Variants in SHC4 observed in about 807,000 individuals in gnomAD.
SHC4 encodes SHC-transforming protein 4.
In SHC4, 41 loss-of-function variants were observed where a neutral mutation model predicts 69.4. The observed-to-expected ratio is 0.59, with a 90% CI of 0.46 to 0.77. The LOEUF is 0.77. SHC4 is among the 30% of genes least tolerant of loss of function. The probability of loss-of-function intolerance (pLI) is 0.00; values close to 1 mark genes in which losing one functional copy is unlikely to be tolerated. For synonymous variants in SHC4, 318 were observed against 299.3 expected, an observed-to-expected ratio of 1.06 and a Z score of -0.64; for missense variants, 777 against 783.8, an observed-to-expected ratio of 0.99 and a Z score of 0.10.
chr15:48,882,419 A>C (rs1303742481), intron 4 of SHC4, among the ~76,000 whole-genome samples: 1 of 152,216 alleles, frequency 6.6e-6, no homozygotes. Context: ...TTTCAAAGGC[A>C]CATCATATTA....
At chr15:48,920,450 G>GT (rs1900731067) in intron 2 of SHC4, among the ~76,000 whole-genome samples, 1 of 151,516 alleles carries the variant, frequency 6.6e-6, no homozygotes, top group Admixed American at 6.6e-5. Context: ...CTTAACATTA[G>GT]TAACTTCCTA....
chr15:48,925,382 T>C (rs1900833174), intron 1 of SHC4, among the ~76,000 whole-genome samples: 3 of 152,136 alleles, frequency 2.0e-5, no homozygotes, highest in Non-Finnish European at 4.4e-5. Context: ...TACATATAAA[T>C]AAAGCTTTTA....
intron 2 of SHC4, among the ~76,000 whole-genome samples, chr15:48,914,902 T>C (rs917987584): frequency 6.6e-6 from 1 of 152,224 alleles, no homozygotes; most frequent in East Asian, 1.9e-4. Flanking sequence ...CTATAAGCAT[T>C]AAACAGTAAC....
At chr15:48,931,747 C>T (rs1036242177) in intron 1 of SHC4, among the ~76,000 whole-genome samples, 3 of 152,084 alleles carry the variant, frequency 2.0e-5, no homozygotes, top group Non-Finnish European at 2.9e-5. Flanking sequence ...GAGAGATTAG[C>T]CCCTTTGTTA....
chr15:48,839,991 G>A (rs1898962965), intron 10 of SHC4, among the ~76,000 whole-genome samples: 1 of 152,214 alleles, frequency 6.6e-6, no homozygotes, highest in African/African-American at 2.4e-5. Flanking sequence ...AATCGCAGGT[G>A]AAAAGAAATG....
chr15:48,942,324 G>T (rs1901190182), intron 1 of SHC4, among the ~76,000 whole-genome samples: 1 of 152,126 alleles, frequency 6.6e-6, no homozygotes, highest in Non-Finnish European at 1.5e-5. Context: ...AATTTGCTAA[G>T]CTATTCGATC....
intron 1 of SHC4, among the ~76,000 whole-genome samples, chr15:48,941,324 G>A (rs1166251684): frequency 6.6e-6 from 1 of 152,184 alleles, no homozygotes; most frequent in East Asian, 1.9e-4. Flanking sequence ...GCAACTGTTG[G>A]CTTTTGTGGA....
At chr15:48,956,695 A>G (rs1901459406) in intron 1 of SHC4, among the ~76,000 whole-genome samples, 1 of 151,748 alleles carries the variant, frequency 6.6e-6, no homozygotes, top group African/African-American at 2.4e-5. Context: ...CCAGTATAAC[A>G]CCCTCCTTTC....
At chr15:48,940,168 C>G (rs963311833) in intron 1 of SHC4, among the ~76,000 whole-genome samples, 1 of 152,216 alleles carries the variant, frequency 6.6e-6, no homozygotes, top group African/African-American at 2.4e-5. Flanking sequence ...AGGCAATGCC[C>G]TTGCAGGATG....
intron 4 of SHC4, among the ~76,000 whole-genome samples, chr15:48,882,619 C>T (rs895056176): frequency 6.6e-6 from 1 of 152,130 alleles, no homozygotes. Flanking sequence ...AGACACCCCA[C>T]AGAAAGGGCC....
intron 1 of SHC4, among the ~76,000 whole-genome samples, chr15:48,931,873 T>A (rs1175814235): frequency 1.3e-5 from 2 of 151,974 alleles, no homozygotes; most frequent in African/African-American, 4.8e-5. Flanking sequence ...TTTGCAATAA[T>A]AAATGTCTTG....
At chr15:48,852,834 G>A (rs1332831152) in intron 8 of SHC4, among the ~76,000 whole-genome samples, 2 of 151,690 alleles carry the variant, frequency 1.3e-5, no homozygotes, top group Non-Finnish European at 2.9e-5. Context: ...CCTGGGAGGC[G>A]GAGGTTGCAG....
At chr15:48,920,682 A>G (rs1052060587) in intron 2 of SHC4, among the ~76,000 whole-genome samples, 1 of 152,200 alleles carries the variant, frequency 6.6e-6, no homozygotes, top group African/African-American at 2.4e-5. Context: ...AAAAGCCTTT[A>G]AAACATTTAT....
At chr15:48,887,494 A>G (rs1169982957) in intron 3 of SHC4, among the ~76,000 whole-genome samples, 1 of 152,228 alleles carries the variant, frequency 6.6e-6, no homozygotes, top group Non-Finnish European at 1.5e-5. Context: ...AACTTATGGG[A>G]TGCAGTGAAA....
At chr15:48,959,818 GAAC>G (rs1386276835) in intron 1 of SHC4, among the ~76,000 whole-genome samples, 2 of 152,174 alleles carry the variant, frequency 1.3e-5, no homozygotes, top group Admixed American at 6.5e-5. Context: ...CTGAGGAACA[GAAC>G]AACAACCAGG....
chr15:48,959,542 G>C (rs920007289), intron 1 of SHC4, among the ~76,000 whole-genome samples: 12 of 152,324 alleles, frequency 7.9e-5, no homozygotes, highest in Admixed American at 4.6e-4. Context: ...TAAGAAGGTA[G>C]AATATGAAGT....
In SHC4 at chr15:48,884,308, C is replaced by T. The variant is rs781213838; in HGVS notation, c.780G>A (p.Met260Ile). The T allele has an allele frequency of 4.3e-6, 7 of 1,609,930 alleles. No individual in the cohort carries two copies. Among genetic ancestry groups the T allele is most frequent in the Non-Finnish European group, 5.1e-6 (6 of 1,178,470 alleles). ...LGKSNLQFSG[M>I]NIKLTISTCS... ...ATGTTGAGATGGTCAGTTTTATATT[C>T]ATTCCTGAAAACTGAAGATTACTTT... is the stretch of plus-strand genomic sequence containing the variant. The change falls in exon 4 of 12, where the codon ATG becomes ATA. Residue 260 changes from methionine to isoleucine, a missense_variant. By Grantham distance (10) the Met-to-Ile change is conservative. Transcript: ENST00000332408.
At chr15:48,925,090 A>G in intron 1 of SHC4, 141 bp from the exon 2 acceptor site, 2 of 776,694 alleles carry the variant, frequency 2.6e-6, no homozygotes, top group Non-Finnish European at 4.3e-6. Context: ...TACAACTGTT[A>G]TTTCTGACTG....
At chr15:48,934,871 T>G (rs2141030128) in intron 1 of SHC4, among the ~76,000 whole-genome samples, 1 of 152,320 alleles carries the variant, frequency 6.6e-6, no homozygotes, top group East Asian at 1.9e-4. Flanking sequence ...ATTTTATTTA[T>G]GTGAAATGTC....
Sources: allele counts gnomAD v4.1 joint callset (sites outside exome capture counted in the v4.1 genomes callset), GRCh38; gene constraint gnomAD v4.1.1; transcripts MANE v1.5; gene names NCBI Gene and HGNC (gene_info 2026-07-23, HGNC 2026-07-21).